Variants in GAD2 observed in about 807,000 individuals in gnomAD.
The protein encoded by GAD2 is 65 kDa glutamic acid decarboxylase.
GAD2 carries 22 observed loss-of-function variants against 80.1 expected under a neutral mutation model. That is an observed-to-expected ratio of 0.27 (90% CI 0.20 to 0.39). GAD2 has a LOEUF of 0.39. Among genes scored for constraint, GAD2 ranks in the 10% least tolerant of loss-of-function variants. The probability of loss-of-function intolerance (pLI) is 1.00; values close to 1 mark genes in which losing one functional copy is unlikely to be tolerated. For missense variants in GAD2, 624 were observed against 738.4 expected, an observed-to-expected ratio of 0.85 and a Z score of 1.80; for synonymous variants, 274 against 256.9, an observed-to-expected ratio of 1.07 and a Z score of -0.64.
intron 7 of GAD2, among the ~76,000 whole-genome samples, chr10:26,239,101 A>G (rs1439267153): frequency 6.6e-6 from 1 of 152,222 alleles, no homozygotes; most frequent in African/African-American, 2.4e-5. Context: ...CCCATTCCCC[A>G]CACACCCACT....
chr10:26,294,996 G>A (rs796890056), intron 15 of GAD2, among the ~76,000 whole-genome samples: 3 of 152,258 alleles, frequency 2.0e-5, no homozygotes, highest in African/African-American at 7.2e-5. Context: ...GAGAATCCAT[G>A]GACTAGTTTG....
chr10:26,256,267 G>C (rs1434465899), intron 8 of GAD2, among the ~76,000 whole-genome samples: 1 of 151,924 alleles, frequency 6.6e-6, no homozygotes, highest in Non-Finnish European at 1.5e-5. Context: ...TATATAGAGA[G>C]AGAACCATTT....
At chr10:26,291,782 G>T (rs1231536046) in intron 13 of GAD2, among the ~76,000 whole-genome samples, 1 of 152,182 alleles carries the variant, frequency 6.6e-6, no homozygotes, top group Non-Finnish European at 1.5e-5. Context: ...TCCAGTCCAA[G>T]ACTGTTGTGT....
At position 26,270,728 on chromosome 10, in the gene GAD2, A is replaced by G. The variant is rs1238881524; in HGVS notation, c.1064A>G (p.Lys355Arg). 6.2e-7 allele frequency: 1 copy of G among 1,613,536 alleles called. No homozygotes were observed. Among genetic ancestry groups the G allele is most frequent in the Non-Finnish European group, 8.5e-7 (1 of 1,179,536 alleles). Residue 355 changes from lysine to arginine, a missense_variant, in exon 10 of 16, where the codon AAA becomes AGA. Coordinates refer to ENST00000376261, the MANE Select transcript of GAD2 (RefSeq NM_001134366.2). ...DPLLAVADIC[K>R]KYKIWMHVDA... is the part of the protein sequence containing the mutation. ...CTCTTAGCTGTCGCTGACATTTGCAAAAAGTATAAGATCTGGATGCATGTG... is the reference window on the plus strand; with the variant it reads ...CTCTTAGCTGTCGCTGACATTTGCAGAAAGTATAAGATCTGGATGCATGTG...
In GAD2 at chr10:26,217,977, T is replaced by A. The variant is rs1564654220; in HGVS notation, c.272T>A (p.Phe91Tyr). Reference sequence around the variant, plus strand: ...TCCAAAGTGGATGTCAACTACGCGTTTCTCCATGCAACAGGTAAAGACTCA... The same window carrying A: ...TCCAAAGTGGATGTCAACTACGCGTATCTCCATGCAACAGGTAAAGACTCA... ...SCSKVDVNYA[F>Y]LHATDLLPAC... The change falls in exon 3 of 16, where the codon TTT becomes TAT. Residue 91 changes from phenylalanine (F) to tyrosine (Y), a missense_variant. Physicochemically the swap from Phe to Tyr is conservative, Grantham distance 22 (BLOSUM62 3). Coordinates refer to ENST00000376261, the MANE Select transcript of GAD2 (RefSeq NM_001134366.2). The surrounding 1 kb of genome is among the most constrained non-coding windows in gnomAD (Gnocchi z 4.9). The A allele has an allele frequency of 2.5e-6, 4 of 1,610,390 alleles. No individual in the cohort carries two copies. The highest frequency in any genetic ancestry group is 3.4e-6 in the Non-Finnish European group (4 of 1,178,478).
At chr10:26,246,324 G>A (rs1162346941) in intron 8 of GAD2, among the ~76,000 whole-genome samples, 1 of 152,194 alleles carries the variant, frequency 6.6e-6, no homozygotes, top group East Asian at 1.9e-4. Context: ...CTGATTTATG[G>A]AGGTGTCATC....
intron 8 of GAD2, among the ~76,000 whole-genome samples, chr10:26,253,583 G>T (rs1379883205): frequency 6.6e-6 from 1 of 152,210 alleles, no homozygotes; most frequent in Non-Finnish European, 1.5e-5. Flanking sequence ...TTGTATGGAT[G>T]ATAATTTGGA....
At position 26,238,081 on chromosome 10, in the gene GAD2, G is replaced by A. The variant is rs537129534; in HGVS notation, c.841-7840G>A. Among the ~76,000 whole-genome samples, 9 of 151,246 alleles carry A rather than the reference G, an allele frequency of 6.0e-5. No homozygotes were observed. In the East Asian group the frequency reaches 1.2e-3, roughly 20 times the overall value. ...AAAGGGATTGACATGAATTTTGTTC[G>A]AAGATTTCACAATGCCACTTGAGGT... is the stretch of plus-strand genomic sequence containing the variant. On this transcript the variant is annotated intron_variant, in intron 7 of 15. Transcript: ENST00000376261.
chr10:26,219,302 G>C, intron 4 of GAD2, 26 bp downstream of exon 4: 1 of 1,350,934 alleles, frequency 7.4e-7, no homozygotes, highest in Non-Finnish European at 1.0e-6. Context: ...AAATAATAAA[G>C]CTCTTTTTTC....
In GAD2 at chr10:26,217,572, T is replaced by C. The variant is rs769662648; in HGVS notation, c.77-38T>C. On this transcript the variant is annotated intron_variant, in intron 1 of 15. Transcript: ENST00000376261. The surrounding 1 kb of genome is among the most constrained non-coding windows in gnomAD (Gnocchi z 4.9). ...TTCACACGTCCGTCTGTTGTTCTCT[T>C]TCTGCCTCGCTGTCTGCCTGCCTAT... The C allele has an allele frequency of 5.0e-6, 8 of 1,589,574 alleles. 1 individual carries two copies. The South Asian group carries it at 9.1e-5, about 18-fold the overall frequency.
intron 15 of GAD2, among the ~76,000 whole-genome samples, chr10:26,298,286 A>G (rs1319597828): frequency 6.6e-6 from 1 of 152,240 alleles, no homozygotes; most frequent in Admixed American, 6.5e-5. Flanking sequence ...GATCACATAT[A>G]TTCATCAGAA....
intron 11 of GAD2, among the ~76,000 whole-genome samples, chr10:26,277,123 A>G (rs1022866593): frequency 5.9e-5 from 9 of 152,236 alleles, no homozygotes; most frequent in African/African-American, 2.2e-4. Context: ...GCAGGGCAAC[A>G]TTGTAGCTCA....
chr10:26,278,663 G>T (rs1171295604), intron 11 of GAD2, among the ~76,000 whole-genome samples: 1 of 152,112 alleles, frequency 6.6e-6, no homozygotes, highest in Admixed American at 6.5e-5. Context: ...CCTCAATGCT[G>T]TTATTACTCA....
intron 6 of GAD2, among the ~76,000 whole-genome samples, chr10:26,227,133 C>A (rs1564656721): frequency 6.6e-6 from 1 of 152,164 alleles, no homozygotes; most frequent in Admixed American, 6.5e-5. Flanking sequence ...GCTGGGATTA[C>A]AGGCATGCAC....
chr10:26,238,797 G>A (rs115915506), intron 7 of GAD2, among the ~76,000 whole-genome samples: 6,694 of 152,222 alleles, frequency 0.044, 458 homozygotes, highest in African/African-American at 0.15. Context: ...ATGTTCTTTC[G>A]GGCCAGCTGG....
At chr10:26,274,014 T>C (rs1845168824) in intron 11 of GAD2, among the ~76,000 whole-genome samples, 1 of 152,178 alleles carries the variant, frequency 6.6e-6, no homozygotes, top group Non-Finnish European at 1.5e-5. Context: ...CAAAAATTGT[T>C]TAAAACCTAC....
intron 8 of GAD2, among the ~76,000 whole-genome samples, chr10:26,257,959 G>A (rs1844963430): frequency 6.6e-6 from 1 of 152,180 alleles, no homozygotes; most frequent in Admixed American, 6.5e-5. Flanking sequence ...TTATTCCTGA[G>A]CAGGGCTGTG....
intron 8 of GAD2, among the ~76,000 whole-genome samples, chr10:26,248,117 C>T (rs1363212763): frequency 1.3e-5 from 2 of 152,138 alleles, no homozygotes; most frequent in African/African-American, 4.8e-5. Context: ...TCCCCGATGG[C>T]TTGCAGGTAG....
intron 13 of GAD2, among the ~76,000 whole-genome samples, chr10:26,288,518 A>G (rs1398244209): frequency 1.3e-5 from 2 of 152,198 alleles, no homozygotes; most frequent in African/African-American, 4.8e-5. Flanking sequence ...TTCATTTGGA[A>G]GAAAAACCCA....
Sources: allele counts gnomAD v4.1 joint callset (sites outside exome capture counted in the v4.1 genomes callset), GRCh38; gene constraint gnomAD v4.1.1; non-coding constraint Gnocchi (gnomAD v3.1); transcripts MANE v1.5; gene names NCBI Gene and HGNC (gene_info 2026-07-23, HGNC 2026-07-21).